Variants in RBFOX1 observed in about 807,000 individuals in gnomAD.
RBFOX1 encodes RNA binding protein fox-1 homolog 1.
A neutral mutation model predicts 57.7 loss-of-function variants in RBFOX1; 8 were observed. The ratio of observed to expected loss-of-function variants is 0.14; its 90% CI spans 0.08 to 0.25. The LOEUF (loss-of-function observed/expected upper bound fraction) is 0.25. RBFOX1 is among the 10% of genes least tolerant of loss of function. The pLI is 1.00. For missense variants in RBFOX1, 611 were observed against 548.5 expected, an observed-to-expected ratio of 1.11 and a Z score of -1.14; for synonymous variants, 326 against 222.4, an observed-to-expected ratio of 1.47 and a Z score of -4.15.
intron 3 of RBFOX1, among the ~76,000 whole-genome samples, chr16:5,723,503 C>T (rs923934393): frequency 6.7e-6 from 1 of 150,234 alleles, no homozygotes; most frequent in Non-Finnish European, 1.5e-5. Context: ...GTGGCAGTCT[C>T]AGGCTTGGGC....
chr16:6,578,608 T>TGC (rs2097483675), intron 2 of RBFOX1, among the ~76,000 whole-genome samples: 1 of 148,522 alleles, frequency 6.7e-6, no homozygotes, highest in Non-Finnish European at 1.5e-5. Flanking sequence ...CGTGTGTGTG[T>TGC]GTGTGAGCAT....
chr16:7,251,405 G>GTTTTT (rs71391610), intron 4 of RBFOX1, among the ~76,000 whole-genome samples: 2 of 127,942 alleles, frequency 1.6e-5, no homozygotes, highest in Non-Finnish European at 1.6e-5. Flanking sequence ...ACTTCTGTCC[G>GTTTTT]TTTTTTTTTT....
chr16:7,031,347 G>A (rs2042737071), intron 3 of RBFOX1, among the ~76,000 whole-genome samples: 1 of 152,232 alleles, frequency 6.6e-6, no homozygotes. Context: ...TGTAATCTCA[G>A]CACTTTGGGA....
chr16:7,425,834 G>A (rs1005279877), intron 4 of RBFOX1, among the ~76,000 whole-genome samples: 3 of 152,050 alleles, frequency 2.0e-5, no homozygotes, highest in African/African-American at 4.8e-5. Context: ...TTAAAATACT[G>A]CCTTGTTAAT....
At chr16:7,282,928 T>C (rs1027929762) in intron 4 of RBFOX1, among the ~76,000 whole-genome samples, 4 of 152,196 alleles carry the variant, frequency 2.6e-5, no homozygotes, top group African/African-American at 9.7e-5. Flanking sequence ...TTTTTTATGG[T>C]TGAGTAGTCC....
At chr16:6,709,761 T>C (rs576995049) in intron 3 of RBFOX1, among the ~76,000 whole-genome samples, 1 of 152,154 alleles carries the variant, frequency 6.6e-6, no homozygotes, top group Non-Finnish European at 1.5e-5. Flanking sequence ...TGATTCCCTC[T>C]AAACTCGCTC....
At chr16:7,250,952 T>C (rs981213694) in intron 4 of RBFOX1, among the ~76,000 whole-genome samples, 20 of 152,338 alleles carry the variant, frequency 1.3e-4, no homozygotes, top group African/African-American at 4.3e-4. Flanking sequence ...TATGTATATA[T>C]TGTGGAATGG....
intron 3 of RBFOX1, among the ~76,000 whole-genome samples, chr16:7,041,388 A>C (rs1312042331): frequency 6.6e-6 from 1 of 152,168 alleles, no homozygotes; most frequent in Admixed American, 6.5e-5. Context: ...TTTGGCTCTT[A>C]GGAGAAAAAG....
At chr16:7,147,563 T>C (rs2075278784) in intron 4 of RBFOX1, among the ~76,000 whole-genome samples, 1 of 152,136 alleles carries the variant, frequency 6.6e-6, no homozygotes, top group Non-Finnish European at 1.5e-5. Flanking sequence ...AGTGAGAATA[T>C]GTGATATTTG....
intron 4 of RBFOX1, among the ~76,000 whole-genome samples, chr16:7,389,256 G>C (rs1156778385): frequency 6.6e-6 from 1 of 152,056 alleles, no homozygotes; most frequent in East Asian, 1.9e-4. Flanking sequence ...CTCCTGAATA[G>C]CTGGCAGCAC....
intron 2 of RBFOX1, among the ~76,000 whole-genome samples, chr16:6,430,437 G>T (rs981928453): frequency 6.6e-6 from 1 of 152,214 alleles, no homozygotes; most frequent in African/African-American, 2.4e-5. Context: ...TCATGGAAAA[G>T]ATGATGCCAG....
chr16:6,282,641 G>A (rs567071188), intron 1 of RBFOX1, among the ~76,000 whole-genome samples: 5 of 152,092 alleles, frequency 3.3e-5, no homozygotes, highest in East Asian at 1.9e-4. Flanking sequence ...GTGGTGTTTC[G>A]TTTTCTGTTC....
chr16:7,156,111 A>G (rs575821819), intron 4 of RBFOX1, among the ~76,000 whole-genome samples: 42 of 152,114 alleles, frequency 2.8e-4, no homozygotes, highest in South Asian at 8.3e-4. Flanking sequence ...GGCTTAAGCA[A>G]TCTGCCCACT....
intron 3 of RBFOX1, among the ~76,000 whole-genome samples, chr16:5,749,407 T>G (rs2053108817): frequency 1.3e-5 from 2 of 152,204 alleles, no homozygotes; most frequent in African/African-American, 2.4e-5. Flanking sequence ...ATTTGAATGT[T>G]GGCCTGCCAT....
intron 3 of RBFOX1, among the ~76,000 whole-genome samples, chr16:6,705,797 C>G (rs961440693): frequency 6.6e-6 from 1 of 152,138 alleles, no homozygotes; most frequent in East Asian, 1.9e-4. Flanking sequence ...GCAGGCAGAT[C>G]ACTTGAGCTC....
At chr16:6,663,650 C>A (rs1282195889) in intron 3 of RBFOX1, among the ~76,000 whole-genome samples, 2 of 152,228 alleles carry the variant, frequency 1.3e-5, no homozygotes. Context: ...ACAGAGTCCC[C>A]TGGGGATTGG....
chr16:7,276,356 G>C lies in RBFOX1; in HGVS notation c.27+224258G>C, dbSNP rs148836921. 4.0e-3 allele frequency among the ~76,000 whole-genome samples: 610 copies of C among 152,284 alleles called. 4 individuals carry two copies. The Middle Eastern group carries it at 0.054, about 14-fold the overall frequency. On this transcript the variant is annotated intron_variant, in intron 4 of 15. Coordinates refer to ENST00000550418, the MANE Select transcript of RBFOX1 (RefSeq NM_018723.4). ...TGTTTGGAGGCAGCTAGGTTTGCTTGTGTCTTAGGACAGATGTCCAGAAAA... is the reference window on the plus strand; with the variant it reads ...TGTTTGGAGGCAGCTAGGTTTGCTTCTGTCTTAGGACAGATGTCCAGAAAA...
intron 5 of RBFOX1, among the ~76,000 whole-genome samples, chr16:7,524,725 G>T (rs1387404838): frequency 6.6e-6 from 1 of 152,198 alleles, no homozygotes; most frequent in Non-Finnish European, 1.5e-5. Context: ...TTTGGCCTCA[G>T]CCGCTTCCCA....
chr16:6,394,827 A>C (rs1266532535), intron 2 of RBFOX1, among the ~76,000 whole-genome samples: 1 of 152,152 alleles, frequency 6.6e-6, no homozygotes, highest in African/African-American at 2.4e-5. Flanking sequence ...CTTGGTGAAA[A>C]GATCAGTTTG....
Sources: allele counts gnomAD v4.1 joint callset (sites outside exome capture counted in the v4.1 genomes callset), GRCh38; gene constraint gnomAD v4.1.1; transcripts MANE v1.5; gene names NCBI Gene and HGNC (gene_info 2026-07-23, HGNC 2026-07-21).